MTSS1: variants seen among roughly 807,000 people sequenced by gnomAD.
The protein encoded by MTSS1 is MTSS I-BAR domain containing 1.
In MTSS1, 18 loss-of-function variants were observed where a neutral mutation model predicts 79.0. The ratio of observed to expected loss-of-function variants is 0.23; its 90% CI spans 0.16 to 0.34. MTSS1 has a LOEUF of 0.34. MTSS1 is among the 10% of genes least tolerant of loss of function. MTSS1 has a pLI of 1.00. For missense variants in MTSS1, 815 were observed against 986.2 expected, an observed-to-expected ratio of 0.83 and a Z score of 2.33; for synonymous variants, 341 against 368.6, an observed-to-expected ratio of 0.93 and a Z score of 0.86.
Position 124,556,271 on chromosome 8 carries a change from A to C in MTSS1, c.1365T>G (p.Ala455=), listed in dbSNP as rs141157052. The C allele has an allele frequency of 6.2e-6, 10 of 1,614,060 alleles. No individual in the cohort carries two copies. The African/African-American group carries it at 1.3e-4, about 22-fold the overall frequency. ...ATACAGTCATGCTCCGTGGTCTCTGAGCCTCCTCAGCTGCTGCAGGTGGGC... is the reference window on the plus strand; with the variant it reads ...ATACAGTCATGCTCCGTGGTCTCTGCGCCTCCTCAGCTGCTGCAGGTGGGC... The part of the protein sequence containing the change: ...ASGPPAAAEE[A]QRPRSMTVSA... The change falls in exon 12 of 14, where the codon GCT becomes GCG. Residue 455 remains alanine (A), a synonymous_variant. Coordinates refer to ENST00000518547, the MANE Select transcript of MTSS1 (RefSeq NM_014751.6).
At chr8:124,713,518 G>A (rs577519558) in intron 1 of MTSS1, among the ~76,000 whole-genome samples, 1 of 152,302 alleles carries the variant, frequency 6.6e-6, no homozygotes, top group African/African-American at 2.4e-5. Flanking sequence ...CCGACTATGA[G>A]GTTCAAGAGA....
chr8:124,693,846 C>A lies in MTSS1; in HGVS notation c.208+5680G>T, dbSNP rs112400197. 1.2e-3 allele frequency among the ~76,000 whole-genome samples: 189 copies of A among 152,330 alleles called. 2 individuals carry two copies. The highest frequency in any genetic ancestry group is 3.9e-3 in the African/African-American group (161 of 41,568). Reference sequence around the variant, plus strand: ...AATATAGAAAAGGAAATTTACACTTCATTCATAGCTAATAAGAACCAAGGC... The same window carrying A: ...AATATAGAAAAGGAAATTTACACTTAATTCATAGCTAATAAGAACCAAGGC... On this transcript the variant is annotated intron_variant, in intron 3 of 13. Transcript: ENST00000518547.
rs1251577592 is a variant in MTSS1 at position 124,581,462 on chromosome 8, AT to A, written c.460+3624del. On this transcript the variant is annotated intron_variant, in intron 6 of 13. Coordinates refer to ENST00000518547, the MANE Select transcript of MTSS1 (RefSeq NM_014751.6). Reference sequence around the variant, plus strand: ...CAGAAGGCTTTACCAGAATTTTTTTATTTTTTTTTTTGAGACAGAGTCTCCC... The same window carrying A: ...CAGAAGGCTTTACCAGAATTTTTTTATTTTTTTTTTGAGACAGAGTCTCCC... Among the ~76,000 whole-genome samples the A allele has an allele frequency of 2.0e-4, 17 of 86,328 alleles. No individual in the cohort carries two copies. In the East Asian group the frequency reaches 2.1e-3, roughly 11 times the overall value. The allele number at this position is 86,328 out of a possible 152,430, so 56.6% of individuals were successfully genotyped here.
intron 6 of MTSS1, 127 bp downstream of exon 6, chr8:124,584,950 ATAGGTCCTAT>A (rs1419260589): frequency 1.4e-6 from 1 of 697,600 alleles, no homozygotes; most frequent in Non-Finnish European, 2.5e-6. Context: ...GTGAACTCAG[ATAGGTCCTAT>A]TTGCTCCCAC....
chr8:124,555,384 T>G (rs568964847), intron 13 of MTSS1, among the ~76,000 whole-genome samples: 1 of 152,296 alleles, frequency 6.6e-6, no homozygotes, highest in East Asian at 1.9e-4. Flanking sequence ...TAGCTGGGAC[T>G]ACAGGCGCCT....
intron 3 of MTSS1, among the ~76,000 whole-genome samples, chr8:124,594,190 T>C (rs750332249): frequency 6.6e-6 from 1 of 152,202 alleles, no homozygotes; most frequent in South Asian, 2.1e-4. Flanking sequence ...TCCCATAGAT[T>C]GCCACTGGTC....
intron 3 of MTSS1, among the ~76,000 whole-genome samples, chr8:124,681,482 G>T (rs1388674157): frequency 6.6e-6 from 1 of 152,204 alleles, no homozygotes; most frequent in African/African-American, 2.4e-5. Flanking sequence ...TAAATCAACA[G>T]TATCTCTCTC....
intron 6 of MTSS1, among the ~76,000 whole-genome samples, chr8:124,571,693 C>T (rs758716792): frequency 3.3e-5 from 5 of 152,166 alleles, no homozygotes; most frequent in African/African-American, 9.7e-5. Context: ...AGGCCGGGAA[C>T]GGTGGCTCAT....
Position 124,552,571 on chromosome 8 carries a change from C to T in MTSS1, c.*421G>A, listed in dbSNP as rs559236645. 5.5e-6 allele frequency: 1 copy of T among 182,710 alleles called. No individual in the cohort carries two copies. The highest frequency in any genetic ancestry group is 1.4e-4 in the East Asian group (1 of 7,186). The allele number at this position is 182,710 out of a possible 1,614,324, so 11.3% of individuals were successfully genotyped here. A position where few individuals can be genotyped will look rare whatever the true frequency, so the allele number is the denominator to read the frequency against. Reference sequence around the variant, plus strand: ...TTGCATTTGCTTCTAAGCTAGACTACTACAATGCATCTACAAAAGCTTGTG... The same window carrying T: ...TTGCATTTGCTTCTAAGCTAGACTATTACAATGCATCTACAAAAGCTTGTG... On this transcript the variant is annotated 3_prime_UTR_variant, in exon 14 of 14. Coordinates refer to ENST00000518547, the MANE Select transcript of MTSS1 (RefSeq NM_014751.6).
intron 3 of MTSS1, among the ~76,000 whole-genome samples, chr8:124,604,410 A>C (rs1013932041): frequency 1.6e-4 from 25 of 152,310 alleles, no homozygotes; most frequent in African/African-American, 6.0e-4. Flanking sequence ...GAGAAACATT[A>C]GTCCTTTAAG....
At chr8:124,651,417 C>T (rs77475621) in intron 3 of MTSS1, among the ~76,000 whole-genome samples, 4 of 151,960 alleles carry the variant, frequency 2.6e-5, no homozygotes, top group Admixed American at 6.6e-5. Flanking sequence ...ACTGCTCTAC[C>T]TACCTATGGC....
At chr8:124,611,035 T>C (rs145181789) in intron 3 of MTSS1, among the ~76,000 whole-genome samples, 175 of 150,894 alleles carry the variant, frequency 1.2e-3, no homozygotes, top group Non-Finnish European at 1.9e-3. Flanking sequence ...CACAGCCAGG[T>C]GCCTTGTATC....
chr8:124,711,248 G>A (rs926385599), intron 1 of MTSS1, among the ~76,000 whole-genome samples: 3 of 152,170 alleles, frequency 2.0e-5, no homozygotes, highest in Non-Finnish European at 2.9e-5. Flanking sequence ...AGGTGGGGCC[G>A]TTTAATCTGA....
intron 3 of MTSS1, among the ~76,000 whole-genome samples, chr8:124,598,914 G>GA (rs150260100): frequency 0.13 from 19,308 of 152,238 alleles, 1,280 homozygotes; most frequent in Non-Finnish European, 0.13. Flanking sequence ...GACCCAGCTA[G>GA]AAAGTGGAGG....
intron 1 of MTSS1, among the ~76,000 whole-genome samples, chr8:124,706,404 A>G (rs191881604): frequency 6.6e-6 from 1 of 152,360 alleles, no homozygotes; most frequent in East Asian, 1.9e-4. Context: ...CGTAAGATCA[A>G]ATTAGAGGTT....
At chr8:124,598,800 C>A (rs1833216417) in intron 3 of MTSS1, among the ~76,000 whole-genome samples, 1 of 152,140 alleles carries the variant, frequency 6.6e-6, no homozygotes, top group South Asian at 2.1e-4. Context: ...GTGTACAAGC[C>A]CAAAATACTG....
Position 124,553,721 on chromosome 8 carries a change from C to A in MTSS1, c.1568-29G>T. On this transcript the variant is annotated intron_variant, in intron 13 of 13. Transcript: ENST00000518547. This position sits in a 1 kb window ranked among gnomAD's most constrained non-coding sequence, Gnocchi z 6.0. ...ATTATAGGATTTGATTAGACATATT[C>A]AAGACAGCAGCTGTGCTTTTTTGAT... is the stretch of plus-strand genomic sequence containing the variant. 6 of 1,565,864 alleles carry A rather than the reference C, an allele frequency of 3.8e-6. No individual in the cohort carries two copies. The highest frequency in any genetic ancestry group is 3.6e-5 in the South Asian group (3 of 84,088).
At chr8:124,645,829 C>T (rs1268103938) in intron 3 of MTSS1, among the ~76,000 whole-genome samples, 2 of 152,188 alleles carry the variant, frequency 1.3e-5, no homozygotes, top group South Asian at 2.1e-4. Flanking sequence ...ACAAAACCCT[C>T]GCCCAGCTTC....
Position 124,683,347 on chromosome 8 carries a change from G to T in MTSS1, c.208+16179C>A, listed in dbSNP as rs1826439562. ...CAGAAACAAAGTCTTACAATAGCCT[G>T]CAGTACACTATCAAATACTAGCTTT... On this transcript the variant is annotated intron_variant, in intron 3 of 13. Transcript: ENST00000518547. The surrounding 1 kb of genome is among the most constrained non-coding windows in gnomAD (Gnocchi z 4.5). Among the ~76,000 whole-genome samples, 1 of 152,122 alleles carries T rather than the reference G, an allele frequency of 6.6e-6. No homozygotes were observed. The highest frequency in any genetic ancestry group is 2.4e-5 in the African/African-American group (1 of 41,438).
Sources: gnomAD v4.1 joint callset for allele counts (sites outside exome capture counted in the v4.1 genomes callset) on GRCh38, gnomAD v4.1.1 for gene constraint, Gnocchi (gnomAD v3.1) non-coding constraint, MANE v1.5 for transcripts, NCBI Gene and HGNC (gene_info 2026-07-23, HGNC 2026-07-21) for gene names.